Variants in SLC9C1 observed in about 807,000 individuals in gnomAD.
The protein encoded by SLC9C1 is solute carrier family 9 member C1.
A neutral mutation model predicts 140.9 loss-of-function variants in SLC9C1; 97 were observed. The observed-to-expected ratio is 0.69, with a 90% CI of 0.58 to 0.82. The LOEUF is 0.82. Among genes scored for constraint, SLC9C1 ranks in the 40% least tolerant of loss-of-function variants. The pLI is 0.00. For synonymous variants in SLC9C1, 440 were observed against 442.6 expected (o/e 0.99, Z 0.07); for missense variants, 1,340 against 1,389.3 (o/e 0.96, Z 0.56).
chr3:112,279,691 A>T (rs186901605), intron 3 of SLC9C1, among the ~76,000 whole-genome samples: 1 of 152,278 alleles, frequency 6.6e-6, no homozygotes, highest in Admixed American at 6.5e-5. Flanking sequence ...CTAAGCTTAC[A>T]TTTCTTCTCC....
At chr3:112,179,802 A>G in intron 22 of SLC9C1, 101 bp from the exon 23 acceptor site, 1 of 845,338 alleles carries the variant, frequency 1.2e-6, no homozygotes, top group Non-Finnish European at 1.7e-6. Context: ...CAATTCTAAT[A>G]TTTACATATT....
intron 23 of SLC9C1, among the ~76,000 whole-genome samples, chr3:112,172,889 C>A (rs1162997463): frequency 6.6e-6 from 1 of 151,896 alleles, no homozygotes; most frequent in Non-Finnish European, 1.5e-5. Context: ...TAAAATAAAG[C>A]TCATTTATTT....
At chr3:112,192,777 T>C (rs1342799478) in intron 20 of SLC9C1, among the ~76,000 whole-genome samples, 7 of 152,232 alleles carry the variant, frequency 4.6e-5, no homozygotes, top group Admixed American at 6.5e-5. Context: ...TGTCCATCTG[T>C]ATTCTCTTGT....
At chr3:112,265,889 T>C (rs6805084) in intron 8 of SLC9C1, among the ~76,000 whole-genome samples, 89,925 of 151,934 alleles carry the variant, frequency 0.59, 27,133 homozygotes, top group East Asian at 0.79. Context: ...TTTTAAAATA[T>C]TGCATTAAAA....
intron 15 of SLC9C1, among the ~76,000 whole-genome samples, chr3:112,214,763 C>T (rs545205117): frequency 2.8e-4 from 43 of 152,110 alleles, no homozygotes; most frequent in Non-Finnish European, 5.3e-4. Flanking sequence ...GATTCACAGC[C>T]GAATTCTACC....
chr3:112,235,809 G>T (rs1467978142), intron 12 of SLC9C1, among the ~76,000 whole-genome samples: 1 of 152,102 alleles, frequency 6.6e-6, no homozygotes, highest in Non-Finnish European at 1.5e-5. Flanking sequence ...TTGCATCCCA[G>T]GGATGAAGCC....
At chr3:112,170,036 A>C (rs1162836483) in intron 23 of SLC9C1, among the ~76,000 whole-genome samples, 2 of 152,194 alleles carry the variant, frequency 1.3e-5, no homozygotes, top group East Asian at 1.9e-4. Flanking sequence ...AACTATAAAC[A>C]TGCTGGAAGG....
At chr3:112,277,490 C>G (rs1391843063) in intron 5 of SLC9C1, among the ~76,000 whole-genome samples, 1 of 151,920 alleles carries the variant, frequency 6.6e-6, no homozygotes, top group South Asian at 2.1e-4. Context: ...GCGTATAATA[C>G]TTTTTTTGAC....
At chr3:112,162,754 C>T (rs937355341) in intron 26 of SLC9C1, among the ~76,000 whole-genome samples, 6 of 143,954 alleles carry the variant, frequency 4.2e-5, no homozygotes, top group Non-Finnish European at 7.6e-5. Context: ...TGTCTCTGCC[C>T]GGCTTTGGTA....
chr3:112,141,854 CT>C (rs2074635176), intron 28 of SLC9C1, among the ~76,000 whole-genome samples: 2 of 152,072 alleles, frequency 1.3e-5, no homozygotes, highest in African/African-American at 4.8e-5. Flanking sequence ...TTTCTAGACC[CT>C]TTTCATGTTG....
intron 15 of SLC9C1, among the ~76,000 whole-genome samples, chr3:112,215,287 G>A (rs2108094895): frequency 6.6e-6 from 1 of 152,280 alleles, no homozygotes; most frequent in East Asian, 1.9e-4. Context: ...CATTCCCTTT[G>A]AAAACTGGCA....
intron 13 of SLC9C1, 105 bp downstream of exon 13, chr3:112,231,256 G>C: frequency 1.5e-6 from 2 of 1,371,666 alleles, no homozygotes; most frequent in Non-Finnish European, 9.9e-7. Flanking sequence ...CTTTGCCTTT[G>C]TAAACAATCT....
intron 10 of SLC9C1, among the ~76,000 whole-genome samples, chr3:112,256,303 T>C (rs1218671388): frequency 6.6e-6 from 1 of 152,110 alleles, no homozygotes; most frequent in East Asian, 1.9e-4. Context: ...ATATGCTTGA[T>C]GAACATTGAT....
At chr3:112,233,050 C>CATAT (rs1226398851) in intron 12 of SLC9C1, among the ~76,000 whole-genome samples, 15 of 86,628 alleles carry the variant, frequency 1.7e-4, no homozygotes, top group African/African-American at 4.3e-4. Context: ...CACACACACA[C>CATAT]ATATATATAT....
chr3:112,185,655 A>G lies in SLC9C1; in HGVS notation c.2524-3397T>C, dbSNP rs1391779197. 9 of 1,560,754 alleles carry G rather than the reference A, an allele frequency of 5.8e-6. No homozygotes were observed. The Admixed American group carries it at 1.3e-4, about 23-fold the overall frequency. ...GACCCGGAAAGCTCCTTGGCGGTCC[A>G]GTGAGTGGGGGCGGGTGCTCCGGAG... On this transcript the variant is annotated intron_variant, in intron 20 of 28. Coordinates refer to ENST00000305815, the MANE Select transcript of SLC9C1 (RefSeq NM_183061.3).
chr3:112,243,096 C>T (rs1352301585), intron 11 of SLC9C1, among the ~76,000 whole-genome samples: 1 of 152,156 alleles, frequency 6.6e-6, no homozygotes, highest in Non-Finnish European at 1.5e-5. Flanking sequence ...AGTTCAGCCA[C>T]TGTGGAAAGC....
chr3:112,274,968 A>G lies in SLC9C1; in HGVS notation c.542T>C (p.Ile181Thr). The G allele has an allele frequency of 6.3e-7, 1 of 1,580,730 alleles. No individual in the cohort carries two copies. Among genetic ancestry groups the G allele is most frequent in the Non-Finnish European group, 8.6e-7 (1 of 1,169,576 alleles). ...INGESLMTSVISLITFTSIMD... is the reference protein window; with the variant it reads ...INGESLMTSVTSLITFTSIMD... The stretch of plus-strand genomic sequence containing the variant: ...AATACTAGTAAATGTAATTAATGAT[A>G]TAACAGAGGTCATCAGACTTTCTCC... The change falls in exon 6 of 29, where the codon ATA (isoleucine) becomes ACA (threonine). Residue 181 changes from isoleucine to threonine, a missense_variant. Physicochemically the swap from Ile to Thr is moderately conservative, Grantham distance 89. Transcript: ENST00000305815.
chr3:112,157,272 G>T (rs937429880), intron 26 of SLC9C1, among the ~76,000 whole-genome samples: 1 of 151,990 alleles, frequency 6.6e-6, no homozygotes, highest in Non-Finnish European at 1.5e-5. Context: ...TTATTAAAGA[G>T]ACTGTCCTTT....
chr3:112,265,701 C>T (rs2079899481), intron 8 of SLC9C1, among the ~76,000 whole-genome samples: 1 of 152,090 alleles, frequency 6.6e-6, no homozygotes, highest in Non-Finnish European at 1.5e-5. Context: ...ACAATTTGCA[C>T]TTTTCCACCC....
Sources: allele counts gnomAD v4.1 joint callset (sites outside exome capture counted in the v4.1 genomes callset), GRCh38; gene constraint gnomAD v4.1.1; transcripts MANE v1.5; gene names NCBI Gene and HGNC (gene_info 2026-07-23, HGNC 2026-07-21).